Variants in PADI4 observed in about 807,000 individuals in gnomAD.
The protein encoded by PADI4 is protein-arginine deiminase type-4.
PADI4 carries 62 observed loss-of-function variants against 75.0 expected under a neutral mutation model. That is an observed-to-expected ratio of 0.83 (90% CI 0.67 to 1.02). The LOEUF (loss-of-function observed/expected upper bound fraction) is 1.02. Among genes scored for constraint, PADI4 ranks in the 50% least tolerant of loss-of-function variants. The probability of loss-of-function intolerance (pLI) is 0.00; values close to 1 mark genes in which losing one functional copy is unlikely to be tolerated. For missense variants in PADI4, 845 were observed against 850.5 expected (o/e 0.99, Z 0.08); for synonymous variants, 361 against 348.1 (o/e 1.04, Z -0.41).
At chr1:17,345,796 C>T (rs896538624) in intron 8 of PADI4, among the ~76,000 whole-genome samples, 7 of 152,138 alleles carry the variant, frequency 4.6e-5, no homozygotes, top group African/African-American at 1.7e-4. Flanking sequence ...TTATCAGCAG[C>T]GTGAAAACGG....
Position 17,356,058 on chromosome 1 carries a change from C to G in PADI4, c.1386C>G (p.Leu462=). 1 of 1,614,162 alleles carries G rather than the reference C, an allele frequency of 6.2e-7. No individual in the cohort carries two copies. Among genetic ancestry groups the G allele is most frequent in the Non-Finnish European group, 8.5e-7 (1 of 1,180,014 alleles). The change falls in exon 12 of 16, where the codon CTC becomes CTG. Residue 462 remains leucine, a synonymous_variant. Coordinates refer to ENST00000375448, the MANE Select transcript of PADI4 (RefSeq NM_012387.3). This position sits in a 1 kb window ranked among gnomAD's most constrained non-coding sequence, Gnocchi z 4.1. Reference sequence around the variant, plus strand: ...AGCAGGTGCAGGCCCCTGTGAAGCTCTATTCTGACTGGCTGTCCGTGGGCC... The same window carrying G: ...AGCAGGTGCAGGCCCCTGTGAAGCTGTATTCTGACTGGCTGTCCGTGGGCC... ...SAQQVQAPVK[L]YSDWLSVGHV...
intron 11 of PADI4, among the ~76,000 whole-genome samples, chr1:17,355,359 C>T (rs543359816): frequency 6.6e-6 from 1 of 152,134 alleles, no homozygotes. Context: ...CGAGACCAGC[C>T]TGACTAACAT....
At position 17,356,685 on chromosome 1, in the gene PADI4, A is replaced by T. The variant is rs2074766150; in HGVS notation, c.1558+226A>T. Among the ~76,000 whole-genome samples the T allele has an allele frequency of 6.6e-6, 1 of 152,128 alleles. No individual in the cohort carries two copies. The highest frequency in any genetic ancestry group is 6.5e-5 in the Admixed American group (1 of 15,286). On this transcript the variant is annotated intron_variant, in intron 13 of 15. Transcript: ENST00000375448. This position sits in a 1 kb window ranked among gnomAD's most constrained non-coding sequence, Gnocchi z 4.1. ...TGAGTCAAAAGAACAGCTCCAACAC[A>T]GGGGCTTTGAGGGGTGTCTGAGTGG...
intron 15 of PADI4, among the ~76,000 whole-genome samples, chr1:17,361,330 C>A (rs572218914): frequency 6.6e-6 from 1 of 152,242 alleles, no homozygotes; most frequent in Non-Finnish European, 1.5e-5. Context: ...CTTCCCAGTG[C>A]GGGAATGAAA....
At chr1:17,311,805 T>C (rs2073835831) in intron 1 of PADI4, among the ~76,000 whole-genome samples, 1 of 151,984 alleles carries the variant, frequency 6.6e-6, no homozygotes, top group South Asian at 2.1e-4. Flanking sequence ...GATTACAGGC[T>C]TGAGCCACCG....
intron 3 of PADI4, chr1:17,334,692 T>A: frequency 4.4e-6 from 2 of 452,234 alleles, no homozygotes; most frequent in Non-Finnish European, 8.9e-6. Context: ...GTTCCTCAAA[T>A]TCCATTATTT....
intron 6 of PADI4, among the ~76,000 whole-genome samples, chr1:17,340,775 C>G (rs1222336451): frequency 2.0e-5 from 3 of 148,552 alleles, no homozygotes; most frequent in African/African-American, 7.4e-5. Context: ...ATCATTCTGC[C>G]TGGTCTATTC....
intron 8 of PADI4, among the ~76,000 whole-genome samples, chr1:17,344,748 G>A (rs1054037822): frequency 6.6e-6 from 1 of 152,236 alleles, no homozygotes; most frequent in African/African-American, 2.4e-5. Flanking sequence ...ATTGGGGTTT[G>A]GGAACCTCTG....
At chr1:17,353,688 T>C (rs1212496746) in intron 10 of PADI4, among the ~76,000 whole-genome samples, 1 of 152,140 alleles carries the variant, frequency 6.6e-6, no homozygotes, top group East Asian at 1.9e-4. Context: ...TGAATGTAAT[T>C]ATATTAGGGA....
At chr1:17,341,251 A>G (rs949112735) in intron 6 of PADI4, among the ~76,000 whole-genome samples, 7 of 151,818 alleles carry the variant, frequency 4.6e-5, no homozygotes, top group Non-Finnish European at 7.4e-5. Context: ...GGCATCCACC[A>G]CAATGCCTGG....
chr1:17,322,174 C>A (rs2074040826), intron 1 of PADI4, among the ~76,000 whole-genome samples: 2 of 152,104 alleles, frequency 1.3e-5, no homozygotes, highest in Admixed American at 1.3e-4. Context: ...TAAGCTCTGT[C>A]CTTTGCCCTG....
intron 11 of PADI4, among the ~76,000 whole-genome samples, chr1:17,355,193 C>T (rs1319312219): frequency 6.6e-6 from 1 of 152,156 alleles, no homozygotes; most frequent in African/African-American, 2.4e-5. Context: ...AATGAAAGTG[C>T]ATGTGCAAAG....
At chr1:17,312,327 G>T (rs1339978669) in intron 1 of PADI4, among the ~76,000 whole-genome samples, 1 of 152,086 alleles carries the variant, frequency 6.6e-6, no homozygotes, top group East Asian at 1.9e-4. Context: ...GGGCGTGGTG[G>T]CAGACGCTTG....
chr1:17,358,765 C>T (rs115743033), intron 13 of PADI4, 73 bp from the exon 14 acceptor site: 16 of 941,328 alleles, frequency 1.7e-5, no homozygotes, highest in Admixed American at 1.2e-4. Flanking sequence ...TGAGTCCCCC[C>T]CCGGCACTGG....
chr1:17,320,203 A>C (rs988101603), intron 1 of PADI4, among the ~76,000 whole-genome samples: 2 of 152,182 alleles, frequency 1.3e-5, no homozygotes, highest in Non-Finnish European at 2.9e-5. Context: ...CAGCAACAGC[A>C]TCACTCTGAT....
At chr1:17,310,787 C>T (rs1439441357) in intron 1 of PADI4, among the ~76,000 whole-genome samples, 1 of 152,134 alleles carries the variant, frequency 6.6e-6, no homozygotes, top group East Asian at 1.9e-4. Context: ...ATGGGGAAAC[C>T]CCGTCTCTAC....
At chr1:17,340,382 T>C (rs1293893875) in intron 6 of PADI4, among the ~76,000 whole-genome samples, 3 of 151,840 alleles carry the variant, frequency 2.0e-5, no homozygotes, top group Non-Finnish European at 4.4e-5. Flanking sequence ...GAAGGGGATG[T>C]GGAGTGAGGA....
At chr1:17,339,190 G>C (rs942460) in intron 5 of PADI4, among the ~76,000 whole-genome samples, 6,726 of 152,182 alleles carry the variant, frequency 0.044, 174 homozygotes, top group Non-Finnish European at 0.054. Context: ...TTGGCTATCA[G>C]TCAGTCCCTT....
At chr1:17,359,166 T>C in intron 14 of PADI4, 114 bp from the exon 15 acceptor site, 1 of 807,836 alleles carries the variant, frequency 1.2e-6, no homozygotes, top group Admixed American at 2.3e-5. Context: ...ACTGCCTTCC[T>C]GACACTGTCC....
Sources: allele counts gnomAD v4.1 joint callset (sites outside exome capture counted in the v4.1 genomes callset), GRCh38; gene constraint gnomAD v4.1.1; non-coding constraint Gnocchi (gnomAD v3.1); transcripts MANE v1.5; gene names NCBI Gene and HGNC (gene_info 2026-07-23, HGNC 2026-07-21).